The following IFNLR1 variants were observed in gnomAD, a reference collection of about 807,000 sequenced individuals.
The protein encoded by IFNLR1 is CRF2-12.
In IFNLR1, 28 loss-of-function variants were observed where a neutral mutation model predicts 52.5. The ratio of observed to expected loss-of-function variants is 0.53; its 90% CI spans 0.40 to 0.73. IFNLR1 has a LOEUF of 0.73. IFNLR1 is among the 30% of genes least tolerant of loss of function. The probability of loss-of-function intolerance (pLI) is 0.00; values close to 1 mark genes in which losing one functional copy is unlikely to be tolerated. For synonymous variants in IFNLR1, 276 were observed against 274.9 expected (o/e 1.00, Z -0.04); for missense variants, 623 against 659.1 (o/e 0.95, Z 0.60).
chr1:24,177,434 CA>C (rs1285104025), intron 2 of IFNLR1, among the ~76,000 whole-genome samples: 1 of 152,090 alleles, frequency 6.6e-6, no homozygotes, highest in African/African-American at 2.4e-5. Context: ...GTCTAAAGGC[CA>C]AAAAACCCGG....
chr1:24,157,764 G>A lies in IFNLR1; in HGVS notation c.929C>T (p.Ala310Val). 6.2e-7 allele frequency: 1 copy of A among 1,614,178 alleles called. No individual in the cohort carries two copies. The highest frequency in any genetic ancestry group is 8.5e-7 in the Non-Finnish European group (1 of 1,180,036). Residue 310 changes from alanine to valine, a missense_variant, in exon 7 of 7, where the codon GCC becomes GTC. Physicochemically the swap from Ala to Val is moderately conservative, Grantham distance 64. Coordinates refer to ENST00000327535, the MANE Select transcript of IFNLR1 (RefSeq NM_170743.4). This position sits in a 1 kb window ranked among gnomAD's most constrained non-coding sequence, Gnocchi z 5.1. ...CCATCTTGTCTGTTGGGTGGCTGGG[G>A]CCCTGACTCGAGGCGTCGGCCTGAC... ...RGVRPTPRVR[A>V]PATQQTRWKK...
At chr1:24,158,979 A>T in intron 6 of IFNLR1, 73 bp downstream of exon 6, 1 of 1,467,480 alleles carries the variant, frequency 6.8e-7, no homozygotes, top group South Asian at 1.2e-5. Flanking sequence ...TATCTGAACA[A>T]CTCATAGCTC....
intron 2 of IFNLR1, among the ~76,000 whole-genome samples, chr1:24,170,388 T>G (rs1043012827): frequency 4.6e-5 from 7 of 151,864 alleles, no homozygotes; most frequent in African/African-American, 1.5e-4. Context: ...TGAGATGGAG[T>G]CTTGTTCTGT....
At chr1:24,161,109 T>G (rs1305614464) in intron 4 of IFNLR1, among the ~76,000 whole-genome samples, 1 of 152,190 alleles carries the variant, frequency 6.6e-6, no homozygotes, top group Non-Finnish European at 1.5e-5. Context: ...ACTGCAGCGT[T>G]GAGTAGTCCT....
At position 24,154,861 on chromosome 1, in the gene IFNLR1, TACC is replaced by T. The variant is rs959755012; in HGVS notation, c.*2266_*2268del. Reference sequence around the variant, plus strand: ...TGGAGGTTGCAGTGAGCCGAGATTGTACCACTGCACTCCAGCCTAGGCAAAAAG... The same window carrying T: ...TGGAGGTTGCAGTGAGCCGAGATTGTACTGCACTCCAGCCTAGGCAAAAAG... On this transcript the variant is annotated 3_prime_UTR_variant, in exon 7 of 7. Coordinates refer to ENST00000327535, the MANE Select transcript of IFNLR1 (RefSeq NM_170743.4). 1.3e-5 allele frequency: 2 copies of T among 151,526 alleles called. No individual in the cohort carries two copies. Among genetic ancestry groups the T allele is most frequent in the African/African-American group, 4.9e-5 (2 of 41,236 alleles). 9.4% of individuals were successfully genotyped at this position (151,526 alleles called of 1,614,324 possible). A position where few individuals can be genotyped will look rare whatever the true frequency, so the allele number is the denominator to read the frequency against.
At chr1:24,164,919 C>A (rs571167767) in intron 3 of IFNLR1, among the ~76,000 whole-genome samples, 1 of 152,204 alleles carries the variant, frequency 6.6e-6, no homozygotes, top group East Asian at 1.9e-4. Flanking sequence ...CCCGCCACCA[C>A]ACCCAGCTAA....
intron 3 of IFNLR1, among the ~76,000 whole-genome samples, chr1:24,167,076 TGGA>T (rs1337262318): frequency 6.6e-6 from 1 of 152,186 alleles, no homozygotes; most frequent in Non-Finnish European, 1.5e-5. Flanking sequence ...GAACAAAAAA[TGGA>T]GGAGGAATGG....
intron 3 of IFNLR1, among the ~76,000 whole-genome samples, chr1:24,169,036 G>A (rs943049734): frequency 1.3e-5 from 2 of 152,278 alleles, no homozygotes; most frequent in African/African-American, 2.4e-5. Context: ...GAGCCACCAC[G>A]CCTGGCCCAG....
Position 24,157,549 on chromosome 1 carries a change from C to A in IFNLR1, c.1144G>T (p.Ala382Ser). The change falls in exon 7 of 7, where the codon GCT becomes TCT. Residue 382 changes from alanine to serine, a missense_variant. Physicochemically the swap from Ala to Ser is moderately conservative, Grantham distance 99. Coordinates refer to ENST00000327535, the MANE Select transcript of IFNLR1 (RefSeq NM_170743.4). The surrounding 1 kb of genome is among the most constrained non-coding windows in gnomAD (Gnocchi z 5.1). ...CAGCTTCTGTCTGAAGAATCCCAAG[C>A]AGAGGAGCCTTCGCTTGGGACCAGA... Reference protein sequence around the residue: ...APLVPSEGSSAWDSSDRSWAS... With the variant: ...APLVPSEGSSSWDSSDRSWAS... 6.2e-7 allele frequency: 1 copy of A among 1,612,054 alleles called. No homozygotes were observed. The highest frequency in any genetic ancestry group is 8.5e-7 in the Non-Finnish European group (1 of 1,179,094).
At chr1:24,161,456 G>A in intron 4 of IFNLR1, 86 bp downstream of exon 4, 2 of 1,467,360 alleles carry the variant, frequency 1.4e-6, no homozygotes, top group Non-Finnish European at 1.9e-6. Context: ...GAGGGGTGCA[G>A]GAGCAGGCTG....
At chr1:24,172,025 A>G (rs1307619006) in intron 2 of IFNLR1, among the ~76,000 whole-genome samples, 10 of 151,548 alleles carry the variant, frequency 6.6e-5, no homozygotes, top group Non-Finnish European at 8.8e-5. Context: ...GGCCGGTCTC[A>G]AACTTCTGGC....
At chr1:24,187,052 G>A in intron 1 of IFNLR1, 139 bp downstream of exon 1, 1 of 454,094 alleles carries the variant, frequency 2.2e-6, no homozygotes, top group South Asian at 4.8e-5. Context: ...AACTGGGGGC[G>A]CGTAGGCAGG....
At chr1:24,186,364 G>A (rs1368177266) in intron 1 of IFNLR1, among the ~76,000 whole-genome samples, 1 of 152,116 alleles carries the variant, frequency 6.6e-6, no homozygotes, top group Non-Finnish European at 1.5e-5. Flanking sequence ...TTTTCCCATC[G>A]GAAAAGTAAA....
chr1:24,159,119 C>G lies in IFNLR1; in HGVS notation c.734G>C (p.Gly245Ala). ...CATGAGGGTCTTCCAGATCACACCC[C>G]CTGCGGCAATTACTAACAGCAGTAT... The part of the protein sequence containing the change: ...LLILLLVIAA[G>A]GVIWKTLMGN... Residue 245 changes from glycine to alanine, a missense_variant, in exon 6 of 7, where the codon GGG becomes GCG. Gly to Ala is a moderately conservative substitution (Grantham distance 60). Transcript: ENST00000327535. 3 of 1,614,170 alleles carry G rather than the reference C, an allele frequency of 1.9e-6. No homozygotes were observed. The highest frequency in any genetic ancestry group is 2.5e-6 in the Non-Finnish European group (3 of 1,180,030).
intron 3 of IFNLR1, among the ~76,000 whole-genome samples, chr1:24,167,215 T>C (rs1644529289): frequency 6.6e-6 from 1 of 152,174 alleles, no homozygotes; most frequent in Non-Finnish European, 1.5e-5. Context: ...TTGTTGGGCC[T>C]GTGGCCTCCG....
intron 1 of IFNLR1, among the ~76,000 whole-genome samples, chr1:24,186,837 T>G (rs977897067): frequency 3.3e-5 from 5 of 152,318 alleles, no homozygotes; most frequent in African/African-American, 1.2e-4. Flanking sequence ...GTCCACACTT[T>G]AGGGTCAAGT....
chr1:24,172,837 G>A (rs973987028), intron 2 of IFNLR1, among the ~76,000 whole-genome samples: 15 of 152,284 alleles, frequency 9.9e-5, no homozygotes, highest in East Asian at 7.7e-4. Flanking sequence ...TTCTACTGAG[G>A]CCTCTCTCCT....
At chr1:24,168,998 C>A (rs1644549441) in intron 3 of IFNLR1, among the ~76,000 whole-genome samples, 1 of 152,212 alleles carries the variant, frequency 6.6e-6, no homozygotes, top group South Asian at 2.1e-4. Context: ...CCTGCCTTGG[C>A]CTCCCAAAGT....
chr1:24,158,974 G>C, intron 6 of IFNLR1, 78 bp downstream of exon 6: 1 of 1,437,526 alleles, frequency 7.0e-7, no homozygotes, highest in South Asian at 1.3e-5. Flanking sequence ...TATTCTATCT[G>C]AACAACTCAT....
Sources: gnomAD v4.1 joint callset for allele counts (sites outside exome capture counted in the v4.1 genomes callset) on GRCh38, gnomAD v4.1.1 for gene constraint, Gnocchi (gnomAD v3.1) non-coding constraint, MANE v1.5 for transcripts, NCBI Gene and HGNC (gene_info 2026-07-23, HGNC 2026-07-21) for gene names.